CSTPP1: variants seen among roughly 807,000 people sequenced by gnomAD.
The protein encoded by CSTPP1 is centriolar satellite-associated tubulin polyglutamylase complex regulator 1, also known as UPF0705 protein C11orf49.
the CSTPP1 span, among the ~76,000 whole-genome samples, chr11:47,067,087 G>C: frequency 6.6e-6 from 1 of 152,122 alleles, no homozygotes; most frequent in Non-Finnish European, 1.5e-5. Flanking sequence ...GTAAAAGTGT[G>C]CCAAAAAATT....
At chr11:47,034,227 G>A in the CSTPP1 span, among the ~76,000 whole-genome samples, 2 of 151,974 alleles carry the variant, frequency 1.3e-5, no homozygotes, top group African/African-American at 4.8e-5. Context: ...CATTATCCAG[G>A]GCTTCTTGTA....
At chr11:47,016,397 C>CAAAAAAAAAAAAAAAAAA in the CSTPP1 span, among the ~76,000 whole-genome samples, 1 of 74,694 alleles carries the variant, frequency 1.3e-5, no homozygotes, top group African/African-American at 6.1e-5. Flanking sequence ...CTACAAAAAA[C>CAAAAAAAAAAAAAAAAAA]AAAAAACAAA....
chr11:47,035,813 G>GT, the CSTPP1 span, among the ~76,000 whole-genome samples: 2 of 151,062 alleles, frequency 1.3e-5, no homozygotes, highest in African/African-American at 2.4e-5. Flanking sequence ...TGGTCTGTGA[G>GT]TTTTTTTTAA....
the CSTPP1 span, among the ~76,000 whole-genome samples, chr11:46,979,673 G>A: frequency 3.3e-5 from 5 of 152,138 alleles, no homozygotes; most frequent in Admixed American, 3.3e-4. Flanking sequence ...AGCACTTTGG[G>A]AGGCCAAGGC....
chr11:46,977,454 T>C, the CSTPP1 span, among the ~76,000 whole-genome samples: 1 of 152,234 alleles, frequency 6.6e-6, no homozygotes, highest in Admixed American at 6.5e-5. Flanking sequence ...AGAGACCTAT[T>C]ATGTCCAGCT....
chr11:46,982,298 G>A, the CSTPP1 span, among the ~76,000 whole-genome samples: 1 of 151,998 alleles, frequency 6.6e-6, no homozygotes, highest in East Asian at 1.9e-4. Context: ...GAAAAAGTCA[G>A]GTTTAAAGTT....
At chr11:47,088,681 G>A in the CSTPP1 span, among the ~76,000 whole-genome samples, 2 of 151,912 alleles carry the variant, frequency 1.3e-5, no homozygotes, top group Admixed American at 1.3e-4. Flanking sequence ...CAAGTAGCTG[G>A]GACTACACGC....
At chr11:47,017,299 C>T in the CSTPP1 span, among the ~76,000 whole-genome samples, 12 of 151,468 alleles carry the variant, frequency 7.9e-5, no homozygotes, top group African/African-American at 2.7e-4. Context: ...CTCAATCACC[C>T]GAGTAGCTGG....
the CSTPP1 span, among the ~76,000 whole-genome samples, chr11:47,148,333 T>C: frequency 3.5e-3 from 540 of 152,164 alleles, 3 homozygotes; most frequent in Non-Finnish European, 6.1e-3. Flanking sequence ...AGCCACCCCA[T>C]GACTGACACC....
the CSTPP1 span, chr11:47,109,252 G>C: frequency 6.6e-6 from 1 of 152,230 alleles, no homozygotes; most frequent in Non-Finnish European, 1.5e-5. Flanking sequence ...TCTGGATTCA[G>C]ACAATGGTGT....
the CSTPP1 span, among the ~76,000 whole-genome samples, chr11:47,073,681 G>A: frequency 2.0e-5 from 3 of 152,158 alleles, no homozygotes; most frequent in Admixed American, 6.5e-5. Context: ...TGAAAAGAAA[G>A]GAGGAAACCA....
the CSTPP1 span, among the ~76,000 whole-genome samples, chr11:47,131,847 C>T: frequency 1.3e-5 from 2 of 151,932 alleles, no homozygotes; most frequent in Non-Finnish European, 2.9e-5. Context: ...CGTAGTGATG[C>T]ATGTCTGTAA....
At chr11:47,077,243 A>G in the CSTPP1 span, among the ~76,000 whole-genome samples, 2 of 146,600 alleles carry the variant, frequency 1.4e-5, no homozygotes, top group African/African-American at 5.1e-5. Context: ...CTTGTCGCCC[A>G]GGCTGGAGTT....
At chr11:47,097,719 C>A in the CSTPP1 span, among the ~76,000 whole-genome samples, 1 of 75,828 alleles carries the variant, frequency 1.3e-5, no homozygotes, top group Non-Finnish European at 2.9e-5. Flanking sequence ...GCCGCCCCGT[C>A]CGGGAGGTGA....
the CSTPP1 span, among the ~76,000 whole-genome samples, chr11:47,103,110 A>T: frequency 0.011 from 1,633 of 152,214 alleles, 25 homozygotes; most frequent in African/African-American, 0.037. Flanking sequence ...TAAAGTGTAC[A>T]GCATCGGCAG....
At chr11:47,163,793 A>T in the CSTPP1 span, among the ~76,000 whole-genome samples, 1 of 151,860 alleles carries the variant, frequency 6.6e-6, no homozygotes, top group Non-Finnish European at 1.5e-5. Flanking sequence ...GGCATGCACC[A>T]CACCGCCCCC....
At chr11:47,045,001 AC>A in the CSTPP1 span, among the ~76,000 whole-genome samples, 7 of 152,338 alleles carry the variant, frequency 4.6e-5, no homozygotes, top group Non-Finnish European at 7.4e-5. Flanking sequence ...AAATAAACCT[AC>A]ATGGTAGATA....
the CSTPP1 span, among the ~76,000 whole-genome samples, chr11:47,121,913 A>G: frequency 3.5e-5 from 5 of 144,866 alleles, no homozygotes; most frequent in Admixed American, 1.4e-4. Flanking sequence ...ACATCCCTAC[A>G]AAAAAAAAAT....
chr11:47,155,174 AG>A, the CSTPP1 span: 1 of 1,607,742 alleles, frequency 6.2e-7, no homozygotes, highest in South Asian at 1.1e-5. Context: ...TTTCCCCTTC[AG>A]GATTGTGCTC....
Sources: gnomAD v4.1 joint callset for allele counts (sites outside exome capture counted in the v4.1 genomes callset) on GRCh38, gnomAD v4.1.1 for gene constraint, MANE v1.5 for transcripts, NCBI Gene and HGNC (gene_info 2026-07-23, HGNC 2026-07-21) for gene names.